The following CTNNA2 variants were observed in gnomAD, a reference collection of about 807,000 sequenced individuals.
CTNNA2 encodes catenin alpha 2, also known as catenin alpha-2.
In CTNNA2, 42 loss-of-function variants were observed where a neutral mutation model predicts 101.0. That is an observed-to-expected ratio of 0.42 (90% CI 0.32 to 0.54). The LOEUF is 0.54. CTNNA2 is among the 20% of genes least tolerant of loss of function. The pLI, the probability that CTNNA2 is intolerant of heterozygous loss-of-function variation, is 0.14. For synonymous variants in CTNNA2, 450 were observed against 456.4 expected (o/e 0.99, Z 0.18); for missense variants, 871 against 1,223.1 (o/e 0.71, Z 4.29).
At chr2:80,080,571 G>T (rs1330685794) in intron 7 of CTNNA2, among the ~76,000 whole-genome samples, 2 of 152,102 alleles carry the variant, frequency 1.3e-5, no homozygotes, top group Non-Finnish European at 2.9e-5. Flanking sequence ...GATTTCTTAG[G>T]GATAATCCAG....
intron 9 of CTNNA2, among the ~76,000 whole-genome samples, chr2:80,497,244 A>G (rs1378414141): frequency 6.6e-6 from 1 of 152,196 alleles, no homozygotes; most frequent in Non-Finnish European, 1.5e-5. Flanking sequence ...GTGAGGCACA[A>G]GGGTGTTGAG....
At chr2:79,402,680 C>T (rs1443449463) in intron 4 of CTNNA2, among the ~76,000 whole-genome samples, 1 of 151,778 alleles carries the variant, frequency 6.6e-6, no homozygotes, top group Admixed American at 6.6e-5. Flanking sequence ...AGGCAAACTA[C>T]TATACATTCT....
chr2:79,266,111 T>C (rs1031516489), intron 2 of CTNNA2, among the ~76,000 whole-genome samples: 2 of 152,218 alleles, frequency 1.3e-5, no homozygotes, highest in African/African-American at 4.8e-5. Context: ...ATGCTGTTGG[T>C]GCTGTGTCCA....
chr2:80,362,566 G>C (rs1052832588), intron 7 of CTNNA2, among the ~76,000 whole-genome samples: 4 of 151,824 alleles, frequency 2.6e-5, no homozygotes, highest in African/African-American at 9.7e-5. Flanking sequence ...TTTAGATGCT[G>C]AAATTACTAG....
chr2:79,433,021 C>G (rs1028699622), intron 4 of CTNNA2, among the ~76,000 whole-genome samples: 1 of 152,140 alleles, frequency 6.6e-6, no homozygotes, highest in Non-Finnish European at 1.5e-5. Flanking sequence ...GGAGTAAATG[C>G]TTTAGCTGCA....
chr2:79,535,055 C>T (rs534200978), intron 1 of CTNNA2, among the ~76,000 whole-genome samples: 1 of 152,046 alleles, frequency 6.6e-6, no homozygotes, highest in South Asian at 2.1e-4. Context: ...TAAGAAATTA[C>T]TTTAAAAGGC....
At chr2:79,211,626 A>T (rs1331399155) in intron 2 of CTNNA2, among the ~76,000 whole-genome samples, 1 of 152,190 alleles carries the variant, frequency 6.6e-6, no homozygotes, top group Non-Finnish European at 1.5e-5. Context: ...GTCATCAGTT[A>T]AGGCAGGAAC....
At chr2:79,574,383 A>G (rs546130288) in intron 1 of CTNNA2, among the ~76,000 whole-genome samples, 1 of 152,176 alleles carries the variant, frequency 6.6e-6, no homozygotes, top group East Asian at 1.9e-4. Flanking sequence ...TCCACCCTCA[A>G]GTAGGCTCCT....
chr2:79,407,088 G>A (rs1019559484), intron 4 of CTNNA2, among the ~76,000 whole-genome samples: 11 of 151,924 alleles, frequency 7.2e-5, no homozygotes, highest in South Asian at 2.1e-4. Flanking sequence ...TATTTATTCC[G>A]TCCCAATGTA....
chr2:80,552,975 G>A (rs1692706383), intron 11 of CTNNA2, among the ~76,000 whole-genome samples: 1 of 151,826 alleles, frequency 6.6e-6, no homozygotes, highest in African/African-American at 2.4e-5. Flanking sequence ...CCAGCACTTT[G>A]GGAGGCCAAG....
chr2:79,597,363 T>G (rs1677264888), intron 1 of CTNNA2, among the ~76,000 whole-genome samples: 2 of 151,430 alleles, frequency 1.3e-5, no homozygotes, highest in Non-Finnish European at 2.9e-5. Context: ...TCCCAGCTAC[T>G]CCGGAGGCTG....
At chr2:79,586,901 T>G (rs994860279) in intron 1 of CTNNA2, among the ~76,000 whole-genome samples, 1 of 152,084 alleles carries the variant, frequency 6.6e-6, no homozygotes, top group Non-Finnish European at 1.5e-5. Context: ...CTTCCAATTA[T>G]GAGTGAGAAC....
chr2:79,937,448 CT>C (rs558143102), intron 7 of CTNNA2, among the ~76,000 whole-genome samples: 106 of 152,324 alleles, frequency 7.0e-4, no homozygotes, highest in Non-Finnish European at 1.0e-3. Flanking sequence ...AATCTTCAGG[CT>C]ATGTCTTCAC....
intron 4 of CTNNA2, among the ~76,000 whole-genome samples, chr2:79,410,505 G>A (rs185203337): frequency 8.0e-4 from 122 of 152,250 alleles, no homozygotes; most frequent in Admixed American, 1.8e-3. Flanking sequence ...AGAGTTTTTA[G>A]CATGAAGAGT....
intron 7 of CTNNA2, among the ~76,000 whole-genome samples, chr2:80,076,290 T>TC: frequency 6.6e-6 from 1 of 151,894 alleles, no homozygotes; most frequent in Middle Eastern, 3.4e-3. Context: ...TTTTTTTTTT[T>TC]CTTTTTTAGA....
At chr2:79,327,311 G>T (rs1276269537) in intron 3 of CTNNA2, among the ~76,000 whole-genome samples, 1 of 152,066 alleles carries the variant, frequency 6.6e-6, no homozygotes, top group Non-Finnish European at 1.5e-5. Flanking sequence ...GTATTATTTT[G>T]CCCGAAGCAT....
intron 4 of CTNNA2, among the ~76,000 whole-genome samples, chr2:79,409,278 T>C (rs1351092069): frequency 6.6e-6 from 1 of 152,298 alleles, no homozygotes; most frequent in East Asian, 1.9e-4. Flanking sequence ...TAGTTTCTTT[T>C]GCTGTGCAGA....
At chr2:79,558,779 T>C (rs936060360) in intron 1 of CTNNA2, among the ~76,000 whole-genome samples, 4 of 151,924 alleles carry the variant, frequency 2.6e-5, no homozygotes, top group Non-Finnish European at 5.9e-5. Flanking sequence ...CAATGGGAGC[T>C]TTTTATTTTC....
chr2:80,608,393 A>G, intron 17 of CTNNA2, 75 bp downstream of exon 17: 1 of 1,494,340 alleles, frequency 6.7e-7, no homozygotes, highest in Non-Finnish European at 9.1e-7. Flanking sequence ...TGGCAACAGT[A>G]CTGCTAAAAA....
Sources: allele counts gnomAD v4.1 joint callset (sites outside exome capture counted in the v4.1 genomes callset), GRCh38; gene constraint gnomAD v4.1.1; transcripts MANE v1.5; gene names NCBI Gene and HGNC (gene_info 2026-07-23, HGNC 2026-07-21).